Variants in EYS observed in about 807,000 individuals in gnomAD.
The protein encoded by EYS is protein eyes shut homolog.
In EYS, 250 loss-of-function variants were observed where a neutral mutation model predicts 282.1. The ratio of observed to expected loss-of-function variants is 0.89; its 90% confidence interval spans 0.80 to 0.98. The LOEUF (loss-of-function observed/expected upper bound fraction) is 0.98. EYS is among the 50% of genes least tolerant of loss of function. EYS has a pLI of 0.00. For synonymous variants in EYS, 1,355 were observed against 1,282.9 expected (o/e 1.06, Z -1.20); for missense variants, 4,016 against 3,709.0 (o/e 1.08, Z -2.15).
At chr6:64,773,374 A>G (rs77205923) in intron 22 of EYS, among the ~76,000 whole-genome samples, 123 of 151,884 alleles carry the variant, frequency 8.1e-4, no homozygotes, top group African/African-American at 2.4e-3. Context: ...AATTCAGTCT[A>G]CCAGTGATGA....
chr6:64,179,442 G>A (rs1037820327), intron 31 of EYS, among the ~76,000 whole-genome samples: 1 of 152,028 alleles, frequency 6.6e-6, no homozygotes, highest in African/African-American at 2.4e-5. Context: ...AATATCAACT[G>A]TGTGATGAAA....
At chr6:64,186,808 C>T (rs772645338) in intron 31 of EYS, among the ~76,000 whole-genome samples, 6 of 152,078 alleles carry the variant, frequency 3.9e-5, no homozygotes, top group Non-Finnish European at 8.8e-5. Flanking sequence ...GTTTTAAATA[C>T]GCGCACTTGT....
chr6:65,419,162 A>G (rs1420191335), intron 5 of EYS, among the ~76,000 whole-genome samples: 1 of 151,956 alleles, frequency 6.6e-6, no homozygotes, highest in Admixed American at 6.6e-5. Flanking sequence ...TAAAATATAA[A>G]TGTATAACTT....
intron 35 of EYS, among the ~76,000 whole-genome samples, chr6:63,918,497 T>A (rs1400970513): frequency 1.3e-5 from 2 of 152,156 alleles, no homozygotes; most frequent in South Asian, 2.1e-4. Flanking sequence ...ATGAGCAATA[T>A]CCTGGAGATA....
At chr6:64,660,621 T>C (rs1431397333) in intron 22 of EYS, among the ~76,000 whole-genome samples, 1 of 152,086 alleles carries the variant, frequency 6.6e-6, no homozygotes, top group South Asian at 2.1e-4. Context: ...AAATCATGAG[T>C]GAACTCCCAT....
At chr6:64,989,394 A>ATATATATATATAT (rs1770971457) in intron 14 of EYS, among the ~76,000 whole-genome samples, 2 of 69,722 alleles carry the variant, frequency 2.9e-5, no homozygotes, top group Non-Finnish European at 5.2e-5. Flanking sequence ...GGCTAGCTGT[A>ATATATATATATAT]ATATATATAT....
chr6:64,915,786 A>G (rs1264471861), intron 15 of EYS, among the ~76,000 whole-genome samples: 1 of 152,160 alleles, frequency 6.6e-6, no homozygotes, highest in Non-Finnish European at 1.5e-5. Context: ...TATGTAGAAG[A>G]GATATTCTTT....
intron 33 of EYS, among the ~76,000 whole-genome samples, chr6:63,999,750 A>G (rs1398532150): frequency 1.3e-5 from 2 of 152,354 alleles, no homozygotes; most frequent in South Asian, 2.1e-4. Context: ...GCATAAGGTT[A>G]AGGGAGTTTG....
chr6:65,387,223 C>A (rs1034129271), intron 7 of EYS, among the ~76,000 whole-genome samples: 2 of 151,808 alleles, frequency 1.3e-5, no homozygotes, highest in African/African-American at 2.4e-5. Flanking sequence ...GGAATGCACA[C>A]TACTGATTTT....
At chr6:64,425,465 G>A (rs1774372656) in intron 28 of EYS, among the ~76,000 whole-genome samples, 2 of 151,882 alleles carry the variant, frequency 1.3e-5, no homozygotes, top group South Asian at 4.1e-4. Flanking sequence ...GACCAGACTG[G>A]CCCACATGGC....
At chr6:64,674,038 A>T (rs1020180980) in intron 22 of EYS, among the ~76,000 whole-genome samples, 2 of 152,076 alleles carry the variant, frequency 1.3e-5, no homozygotes, top group African/African-American at 4.8e-5. Flanking sequence ...AAACCAAAAA[A>T]CTTAATAAAA....
At chr6:65,176,183 G>T (rs1765218993) in intron 12 of EYS, among the ~76,000 whole-genome samples, 2 of 151,412 alleles carry the variant, frequency 1.3e-5, no homozygotes, top group Non-Finnish European at 3.0e-5. Flanking sequence ...TAGATTTTCA[G>T]AAATTATTCC....
chr6:64,250,524 C>G (rs1047348063), intron 30 of EYS, among the ~76,000 whole-genome samples: 4 of 152,164 alleles, frequency 2.6e-5, no homozygotes, highest in African/African-American at 9.7e-5. Flanking sequence ...CCACAAATAG[C>G]TAAAGCAATG....
intron 29 of EYS, among the ~76,000 whole-genome samples, chr6:64,365,321 C>T (rs1165101420): frequency 1.3e-5 from 2 of 151,944 alleles, no homozygotes; most frequent in African/African-American, 4.8e-5. Context: ...GGGTGACATA[C>T]ATCTCTATAG....
intron 22 of EYS, among the ~76,000 whole-genome samples, chr6:64,724,713 T>A (rs1349743019): frequency 6.6e-6 from 1 of 152,182 alleles, no homozygotes; most frequent in Non-Finnish European, 1.5e-5. Context: ...ATTATATACA[T>A]CATCTGATAT....
chr6:63,977,056 G>A (rs1582066333), intron 35 of EYS, among the ~76,000 whole-genome samples: 1 of 151,064 alleles, frequency 6.6e-6, no homozygotes, highest in Admixed American at 6.6e-5. Flanking sequence ...ACTCAAGTTA[G>A]CCTCCTATTG....
intron 1 of EYS, among the ~76,000 whole-genome samples, chr6:65,699,626 G>T (rs1769585398): frequency 6.6e-6 from 1 of 152,112 alleles, no homozygotes; most frequent in Non-Finnish European, 1.5e-5. Context: ...ATTTTTAACT[G>T]ATGGGGTACT....
chr6:64,593,173 G>A lies in EYS; in HGVS notation c.3821C>T (p.Pro1274Leu), dbSNP rs1057016701. 1.2e-5 allele frequency: 19 copies of A among 1,548,850 alleles called. No individual in the cohort carries two copies. Among genetic ancestry groups the A allele is most frequent in the Non-Finnish European group, 1.4e-5 (16 of 1,145,810 alleles). ...PPSETLVSSFPSIKATRIPAI... is the reference protein window; with the variant it reads ...PPSETLVSSFLSIKATRIPAI... The stretch of plus-strand genomic sequence containing the variant: ...TGGTATTCTAGTAGCCTTTATAGAT[G>A]GAAAGCTGCTGACCAAAGTCTCAGA... The change falls in exon 25 of 43, where the codon CCA becomes CTA. Residue 1274 changes from proline (P) to leucine (L), a missense_variant. Physicochemically the swap from Pro to Leu is moderately conservative, Grantham distance 98 (BLOSUM62 -3). Transcript: ENST00000503581.
chr6:63,940,058 T>C (rs1765186864), intron 35 of EYS, among the ~76,000 whole-genome samples: 1 of 152,228 alleles, frequency 6.6e-6, no homozygotes, highest in Non-Finnish European at 1.5e-5. Context: ...AGTTCATCTC[T>C]CCAGTAAATT....
Sources: gnomAD v4.1 joint callset for allele counts (sites outside exome capture counted in the v4.1 genomes callset) on GRCh38, gnomAD v4.1.1 for gene constraint, MANE v1.5 for transcripts, NCBI Gene and HGNC (gene_info 2026-07-23, HGNC 2026-07-21) for gene names.